PRKN: variants seen among roughly 807,000 people sequenced by gnomAD.
PRKN encodes the protein E3 ubiquitin-protein ligase parkin.
In PRKN, 56 loss-of-function variants were observed where a neutral mutation model predicts 59.5. The observed-to-expected ratio is 0.94, with a 90% CI of 0.76 to 1.18. The LOEUF is 1.18. Ranked by LOEUF, PRKN falls within the 50% of genes most tolerant of loss-of-function variation. The probability of loss-of-function intolerance (pLI) is 0.00; values close to 1 mark genes in which losing one functional copy is unlikely to be tolerated. For missense variants in PRKN, 657 were observed against 596.4 expected, an observed-to-expected ratio of 1.10 and a Z score of -1.06; for synonymous variants, 250 against 222.1, an observed-to-expected ratio of 1.13 and a Z score of -1.12.
At chr6:162,082,227 G>A (rs775848519) in intron 4 of PRKN, among the ~76,000 whole-genome samples, 4 of 151,986 alleles carry the variant, frequency 2.6e-5, no homozygotes, top group African/African-American at 2.4e-5. Flanking sequence ...TTTTATAAGG[G>A]GAACTTTCCC....
chr6:162,449,926 C>G (rs949603887), intron 1 of PRKN, among the ~76,000 whole-genome samples: 3 of 152,130 alleles, frequency 2.0e-5, no homozygotes, highest in African/African-American at 7.2e-5. Context: ...AGTACAGTTA[C>G]GTAAAGGGAG....
At chr6:161,821,616 A>ACTTTATATC (rs1340101831) in intron 6 of PRKN, among the ~76,000 whole-genome samples, 1 of 150,090 alleles carries the variant, frequency 6.7e-6, no homozygotes, top group Non-Finnish European at 1.5e-5. Context: ...TATCCCTACC[A>ACTTTATATC]CTTTATATCC....
chr6:161,579,167 G>A lies in PRKN; in HGVS notation c.872-9751C>T, dbSNP rs1409962710. On this transcript the variant is annotated intron_variant, in intron 7 of 11. Coordinates refer to ENST00000366898, the MANE Select transcript of PRKN (RefSeq NM_004562.3). The surrounding 1 kb of genome is among the most constrained non-coding windows in gnomAD (Gnocchi z 4.2). ...GAGGAAGTGAAGGAGATGGAATTTTGTGCTCTCTTTAATATGTTTTTCCAC... is the reference window on the plus strand; with the variant it reads ...GAGGAAGTGAAGGAGATGGAATTTTATGCTCTCTTTAATATGTTTTTCCAC... 6.6e-6 allele frequency among the ~76,000 whole-genome samples: 1 copy of A among 152,194 alleles called. No individual in the cohort carries two copies. The highest frequency in any genetic ancestry group is 1.5e-5 in the Non-Finnish European group (1 of 68,032).
At chr6:161,703,551 T>C (rs568183802) in intron 7 of PRKN, among the ~76,000 whole-genome samples, 50 of 152,276 alleles carry the variant, frequency 3.3e-4, no homozygotes, top group Non-Finnish European at 5.7e-4. Context: ...TCCAAAATCA[T>C]ACAAAGCATT....
At chr6:162,725,088 T>C (rs1474372760) in intron 1 of PRKN, among the ~76,000 whole-genome samples, 1 of 152,228 alleles carries the variant, frequency 6.6e-6, no homozygotes, top group Non-Finnish European at 1.5e-5. Context: ...GTCTTTATTC[T>C]GGGCCCAGTC....
intron 6 of PRKN, among the ~76,000 whole-genome samples, chr6:161,816,771 C>T (rs1791801296): frequency 6.6e-6 from 1 of 151,982 alleles, no homozygotes; most frequent in South Asian, 2.1e-4. Flanking sequence ...TTTCTTAACC[C>T]CAATTTTGCT....
intron 7 of PRKN, among the ~76,000 whole-genome samples, chr6:161,752,632 G>A (rs1298317793): frequency 6.6e-6 from 1 of 152,228 alleles, no homozygotes; most frequent in Non-Finnish European, 1.5e-5. Context: ...GGTCAAGGCT[G>A]CAGTGAGCTA....
chr6:161,846,324 C>A (rs1277457781), intron 6 of PRKN, among the ~76,000 whole-genome samples: 1 of 152,138 alleles, frequency 6.6e-6, no homozygotes, highest in Admixed American at 6.5e-5. Context: ...ATACCAATAA[C>A]AACTATAATG....
intron 1 of PRKN, among the ~76,000 whole-genome samples, chr6:162,682,127 A>C (rs1474037088): frequency 6.6e-6 from 1 of 151,954 alleles, no homozygotes; most frequent in African/African-American, 2.4e-5. Context: ...AGAGATTTTC[A>C]AAAACAATCC....
chr6:162,297,740 T>A (rs919257377), intron 2 of PRKN, among the ~76,000 whole-genome samples: 1 of 152,058 alleles, frequency 6.6e-6, no homozygotes, highest in Non-Finnish European at 1.5e-5. Flanking sequence ...AGACAAAGAA[T>A]AAATTTCCTT....
At chr6:162,723,038 C>T (rs889750519) in intron 1 of PRKN, among the ~76,000 whole-genome samples, 3 of 152,154 alleles carry the variant, frequency 2.0e-5, no homozygotes, top group Admixed American at 6.5e-5. Context: ...GAGCAGTACA[C>T]AGTATATTCA....
chr6:162,468,294 T>G (rs1436863936), intron 1 of PRKN, among the ~76,000 whole-genome samples: 1 of 152,198 alleles, frequency 6.6e-6, no homozygotes, highest in Non-Finnish European at 1.5e-5. Flanking sequence ...TTGAAGTGAA[T>G]GAGAAAACTG....
intron 5 of PRKN, among the ~76,000 whole-genome samples, chr6:162,003,778 T>A (rs1782149196): frequency 6.6e-6 from 1 of 152,174 alleles, no homozygotes; most frequent in Admixed American, 6.6e-5. Context: ...GAATATGTAT[T>A]CTGCTGTTTT....
chr6:162,449,855 A>C (rs1790505406), intron 1 of PRKN, among the ~76,000 whole-genome samples: 1 of 152,194 alleles, frequency 6.6e-6, no homozygotes, highest in Non-Finnish European at 1.5e-5. Context: ...ATTCTTGAAA[A>C]GCCATAGAAG....
intron 4 of PRKN, among the ~76,000 whole-genome samples, chr6:162,192,818 G>C (rs2128327353): frequency 6.6e-6 from 1 of 152,172 alleles, no homozygotes; most frequent in African/African-American, 2.4e-5. Context: ...CTAGCAGCAT[G>C]GGTCAAGCGC....
At chr6:162,407,173 C>A (rs1420748815) in intron 2 of PRKN, among the ~76,000 whole-genome samples, 1 of 152,128 alleles carries the variant, frequency 6.6e-6, no homozygotes, top group African/African-American at 2.4e-5. Context: ...ACTTAAAATA[C>A]TTTTATCTAA....
chr6:162,020,522 C>T (rs1783105922), intron 5 of PRKN, among the ~76,000 whole-genome samples: 1 of 152,038 alleles, frequency 6.6e-6, no homozygotes, highest in Non-Finnish European at 1.5e-5. Context: ...ATAGGCTAAA[C>T]ATACATATCT....
chr6:161,790,520 G>A lies in PRKN; in HGVS notation c.735-4612C>T, dbSNP rs527625426. Among the ~76,000 whole-genome samples the A allele has an allele frequency of 4.9e-4, 75 of 152,256 alleles. 1 individual carries two copies. Among genetic ancestry groups the A allele is most frequent in the African/African-American group, 1.8e-3 (75 of 41,550 alleles). On this transcript the variant is annotated intron_variant, in intron 6 of 11. Transcript: ENST00000366898. ...ATGGTGTTAGAACACGGGGTCTTTA[G>A]GAAGTGAATGGTGTGAGAGAAGAGC... is the stretch of plus-strand genomic sequence containing the variant.
intron 1 of PRKN, among the ~76,000 whole-genome samples, chr6:162,679,649 A>G (rs1179294635): frequency 6.6e-6 from 1 of 152,176 alleles, no homozygotes; most frequent in Admixed American, 6.5e-5. Context: ...CTATTAATGA[A>G]GTTGCAGCAT....
Sources: allele counts gnomAD v4.1 joint callset (sites outside exome capture counted in the v4.1 genomes callset), GRCh38; gene constraint gnomAD v4.1.1; non-coding constraint Gnocchi (gnomAD v3.1); transcripts MANE v1.5; gene names NCBI Gene and HGNC (gene_info 2026-07-23, HGNC 2026-07-21).